Variants in TMEM38B observed in about 807,000 individuals in gnomAD.
The protein encoded by TMEM38B is transmembrane protein 38B, also known as trimeric intracellular cation channel type B.
TMEM38B carries 24 observed loss-of-function variants against 28.7 expected under a neutral mutation model. The observed-to-expected ratio is 0.84, with a 90% CI of 0.61 to 1.18. TMEM38B has a LOEUF of 1.18. Ranked by LOEUF, TMEM38B falls within the 50% of genes most tolerant of loss-of-function variation. The pLI is 0.00. For missense variants in TMEM38B, 380 were observed against 350.9 expected (o/e 1.08, Z -0.66); for synonymous variants, 131 against 127.7 (o/e 1.03, Z -0.17).
At chr9:105,741,192 A>C (rs560603726) in intron 4 of TMEM38B, among the ~76,000 whole-genome samples, 1 of 152,334 alleles carries the variant, frequency 6.6e-6, no homozygotes, top group African/African-American at 2.4e-5. Flanking sequence ...ACTGACGCTG[A>C]TTTTGACTGA....
chr9:105,760,337 T>C (rs1837994631), intron 5 of TMEM38B: 1 of 772,244 alleles, frequency 1.3e-6, no homozygotes, highest in Admixed American at 1.7e-5. Flanking sequence ...TTAGTTTCTT[T>C]CTTACTGGAT....
chr9:105,719,065 ATAG>A (rs1836221366), intron 2 of TMEM38B, among the ~76,000 whole-genome samples: 1 of 152,204 alleles, frequency 6.6e-6, no homozygotes, highest in Admixed American at 6.5e-5. Flanking sequence ...AGTGGAATTG[ATAG>A]TAGAGTGAAA....
chr9:105,757,248 C>A (rs1837865942), intron 5 of TMEM38B, among the ~76,000 whole-genome samples: 1 of 152,120 alleles, frequency 6.6e-6, no homozygotes, highest in South Asian at 2.1e-4. Flanking sequence ...TATTTTGTTC[C>A]TTTTTATGGC....
At chr9:105,747,915 A>C (rs891921990) in intron 4 of TMEM38B, among the ~76,000 whole-genome samples, 158 bp from the exon 5 acceptor site, 1 of 152,224 alleles carries the variant, frequency 6.6e-6, no homozygotes, top group African/African-American at 2.4e-5. Flanking sequence ...CCTGTAACTC[A>C]GCACTTTCAA....
intron 2 of TMEM38B, among the ~76,000 whole-genome samples, chr9:105,716,621 A>ACAG (rs879607774): frequency 2.0e-5 from 3 of 151,928 alleles, no homozygotes; most frequent in Non-Finnish European, 4.4e-5. Context: ...GAACAACATG[A>ACAG]ATTTGAACTG....
chr9:105,739,394 A>AT (rs1214091359), intron 4 of TMEM38B, among the ~76,000 whole-genome samples: 1 of 151,526 alleles, frequency 6.6e-6, no homozygotes, highest in African/African-American at 2.4e-5. Context: ...ATCCTAGGTA[A>AT]TTTTTTCCAT....
chr9:105,754,814 A>C (rs1329927309), intron 5 of TMEM38B, among the ~76,000 whole-genome samples: 1 of 152,208 alleles, frequency 6.6e-6, no homozygotes, highest in Non-Finnish European at 1.5e-5. Context: ...AAAGCCCTTC[A>C]AAAAAATCAA....
At chr9:105,706,146 G>T (rs1404672577) in intron 2 of TMEM38B, among the ~76,000 whole-genome samples, 2 of 152,108 alleles carry the variant, frequency 1.3e-5, no homozygotes, top group East Asian at 1.9e-4. Flanking sequence ...TGATCTGCCC[G>T]CCTCGGCCTC....
chr9:105,770,745 A>G (rs1407874019), intron 5 of TMEM38B, among the ~76,000 whole-genome samples: 1 of 152,168 alleles, frequency 6.6e-6, no homozygotes, highest in Non-Finnish European at 1.5e-5. Flanking sequence ...ATAAGGGCCT[A>G]TTGGAATAGA....
At chr9:105,756,581 G>A (rs1165417614) in intron 5 of TMEM38B, among the ~76,000 whole-genome samples, 3 of 152,138 alleles carry the variant, frequency 2.0e-5, no homozygotes, top group Non-Finnish European at 4.4e-5. Context: ...ATTTTCTTGA[G>A]TTACAGCATC....
intron 4 of TMEM38B, among the ~76,000 whole-genome samples, chr9:105,738,820 C>T (rs1276529854): frequency 6.7e-6 from 1 of 150,306 alleles, no homozygotes; most frequent in Non-Finnish European, 1.5e-5. Context: ...CAGCCTCAAG[C>T]AATCCCCCCG....
chr9:105,735,672 C>G (rs1836945974), intron 4 of TMEM38B, among the ~76,000 whole-genome samples: 1 of 152,082 alleles, frequency 6.6e-6, no homozygotes. Flanking sequence ...TGGAGATTCC[C>G]TTGTATGTGA....
At chr9:105,754,307 C>T (rs1478954577) in intron 5 of TMEM38B, among the ~76,000 whole-genome samples, 1 of 152,192 alleles carries the variant, frequency 6.6e-6, no homozygotes, top group Non-Finnish European at 1.5e-5. Context: ...CTACGGAACT[C>T]TCCACTCAAA....
chr9:105,700,574 G>T (rs1221317549), intron 1 of TMEM38B, among the ~76,000 whole-genome samples: 2 of 152,036 alleles, frequency 1.3e-5, no homozygotes, highest in Admixed American at 6.5e-5. Context: ...ACTGTTCCTG[G>T]TTTCAATAAT....
chr9:105,721,828 A>C (rs1836332199), intron 3 of TMEM38B, 107 bp downstream of exon 3: 2 of 880,876 alleles, frequency 2.3e-6, no homozygotes, highest in East Asian at 3.0e-5. Context: ...CTTTAATAAC[A>C]GAGACTTTTT....
intron 4 of TMEM38B, among the ~76,000 whole-genome samples, chr9:105,734,880 T>G (rs1431593638): frequency 6.8e-6 from 1 of 146,100 alleles, no homozygotes; most frequent in South Asian, 2.1e-4. Flanking sequence ...TTTTTTTTTT[T>G]GTCAGTTCAA....
intron 4 of TMEM38B, 98 bp from the exon 5 acceptor site, chr9:105,747,972 TTAA>T (rs1351575668): frequency 2.6e-6 from 2 of 759,476 alleles, no homozygotes; most frequent in Non-Finnish European, 4.5e-6. Context: ...ATTACATCTA[TTAA>T]TAACCCATTA....
chr9:105,761,540 T>C (rs10739213), intron 5 of TMEM38B, among the ~76,000 whole-genome samples: 1 of 152,008 alleles, frequency 6.6e-6, no homozygotes, highest in Non-Finnish European at 1.5e-5. Context: ...TAATCTCTTC[T>C]GTAAGGTATT....
chr9:105,710,416 G>A (rs1835857501), intron 2 of TMEM38B: 1 of 1,072,230 alleles, frequency 9.3e-7, no homozygotes, highest in Admixed American at 1.9e-5. Context: ...CATAACTTCG[G>A]CTTCTAGGAC....
Sources: gnomAD v4.1 joint callset for allele counts (sites outside exome capture counted in the v4.1 genomes callset) on GRCh38, gnomAD v4.1.1 for gene constraint, MANE v1.5 for transcripts, NCBI Gene and HGNC (gene_info 2026-07-23, HGNC 2026-07-21) for gene names.